The following KMT2A variants were observed in gnomAD, a reference collection of about 807,000 sequenced individuals.
KMT2A encodes histone-lysine N-methyltransferase 2A.
Under a neutral mutation model 345.3 loss-of-function variants are expected in KMT2A, and 16 were observed. That is an observed-to-expected ratio of 0.05 (90% CI 0.03 to 0.07). The LOEUF is 0.07. Among genes scored for constraint, KMT2A ranks in the 10% least tolerant of loss-of-function variants. KMT2A has a pLI of 1.00. For synonymous variants in KMT2A, 1,599 were observed against 1,778.6 expected (o/e 0.90, Z 2.54); for missense variants, 3,272 against 4,841.6 (o/e 0.68, Z 9.62).
intron 1 of KMT2A, among the ~76,000 whole-genome samples, chr11:118,452,641 G>A (rs1283008197): frequency 1.6e-4 from 21 of 131,618 alleles, no homozygotes; most frequent in Non-Finnish European, 2.9e-4. Flanking sequence ...TTTCTTTCTT[G>A]TTTTTTTTTT....
chr11:118,488,111 C>T (rs533693209), intron 10 of KMT2A, among the ~76,000 whole-genome samples: 15 of 152,060 alleles, frequency 9.9e-5, no homozygotes, highest in Non-Finnish European at 2.2e-4. Flanking sequence ...ACCCAGGAGG[C>T]GGAGGTTGCA....
At chr11:118,450,600 CAG>C (rs1399770562) in intron 1 of KMT2A, 1 of 152,142 alleles carries the variant, frequency 6.6e-6, no homozygotes, top group Non-Finnish European at 1.5e-5. Context: ...TATTGAAGAA[CAG>C]AGAATTATTG....
At chr11:118,458,180 C>A in intron 1 of KMT2A, 1 of 382,538 alleles carries the variant, frequency 2.6e-6, no homozygotes, top group Admixed American at 2.9e-5. Flanking sequence ...ATCTTCTGGA[C>A]TTAAGTGATT....
chr11:118,480,324 T>C (rs1555038894), intron 6 of KMT2A, 86 bp downstream of exon 6: 3 of 1,026,860 alleles, frequency 2.9e-6, no homozygotes, highest in Non-Finnish European at 4.4e-6. Context: ...AGAATACTTT[T>C]TTTTTTAAAG....
chr11:118,495,762 A>G lies in KMT2A; in HGVS notation c.5426A>G (p.Gln1809Arg). The stretch of plus-strand genomic sequence containing the variant: ...CTTGACCATAATTATGCTCAGTGGC[A>G]GGAGCGAGAGGAAAACAGCCACACT... Reference protein sequence around the residue: ...PSLDHNYAQWQEREENSHTEQ... With the variant: ...PSLDHNYAQWREREENSHTEQ... The change falls in exon 19 of 36, where the codon CAG becomes CGG. Residue 1809 changes from glutamine (Q) to arginine (R), a missense_variant. Gln to Arg is a conservative substitution (Grantham distance 43). Around this residue, in one of 27 missense-constraint regions of KMT2A, gnomAD observed 235 missense variants for 503.4 expected, o/e 0.47. Transcript: ENST00000534358. The surrounding 1 kb of genome is among the most constrained non-coding windows in gnomAD (Gnocchi z 4.1). The G allele has an allele frequency of 1.9e-6, 3 of 1,614,102 alleles. No homozygotes were observed. The highest frequency in any genetic ancestry group is 2.5e-6 in the Non-Finnish European group (3 of 1,179,990).
intron 25 of KMT2A, among the ~76,000 whole-genome samples, 166 bp from the exon 26 acceptor site, chr11:118,501,506 C>T (rs1555045633): frequency 6.6e-6 from 1 of 151,502 alleles, no homozygotes; most frequent in Non-Finnish European, 1.5e-5. Context: ...AACTTGAATT[C>T]GATTCAGGGA....
intron 1 of KMT2A, among the ~76,000 whole-genome samples, chr11:118,445,352 A>C (rs1565259901): frequency 6.6e-6 from 1 of 152,224 alleles, no homozygotes; most frequent in African/African-American, 2.4e-5. Flanking sequence ...TGAGTTGCTA[A>C]TTATCAGGCC....
chr11:118,443,228 T>C (rs181083745), intron 1 of KMT2A, among the ~76,000 whole-genome samples: 9 of 152,326 alleles, frequency 5.9e-5, no homozygotes, highest in Non-Finnish European at 1.3e-4. Context: ...GTTAGCCTTT[T>C]CATTTTGCCC....
chr11:118,519,898 C>A, intron 32 of KMT2A, 59 bp from the exon 33 acceptor site: 1 of 1,555,780 alleles, frequency 6.4e-7, no homozygotes, highest in Non-Finnish European at 8.9e-7. Context: ...TTAATGCCAT[C>A]ATCCTTTACT....
chr11:118,478,265 A>G, intron 5 of KMT2A, 64 bp downstream of exon 5: 2 of 1,203,004 alleles, frequency 1.7e-6, no homozygotes, highest in Non-Finnish European at 2.4e-6. Context: ...ATTTATCCCT[A>G]GTTTGTTGCA....
chr11:118,518,800 G>A (rs1169745256), intron 31 of KMT2A, among the ~76,000 whole-genome samples: 5 of 133,650 alleles, frequency 3.7e-5, no homozygotes, highest in African/African-American at 8.4e-5. Flanking sequence ...AAAAAAAGCC[G>A]GGCGCGGTGG....
intron 5 of KMT2A, 30 bp from the exon 6 acceptor site, chr11:118,480,144 T>A: frequency 6.4e-7 from 1 of 1,561,442 alleles, no homozygotes; most frequent in Non-Finnish European, 8.8e-7. Context: ...AAATTTAATT[T>A]GTTTCATGGT....
In KMT2A at chr11:118,491,277, G is replaced by A. The variant is rs782281385; in HGVS notation, c.4778G>A (p.Arg1593His). 28 of 1,613,652 alleles carry A rather than the reference G, an allele frequency of 1.7e-5. No homozygotes were observed. The highest frequency in any genetic ancestry group is 2.2e-5 in the East Asian group (1 of 44,868). ...ATGATGCAATGTGGAAAGTGTGATC[G>A]CTGGGTCCATTCCAAATGTGAGAAT... ...SKMMQCGKCD[R>H]WVHSKCENLS... is the part of the protein sequence containing the mutation. Residue 1593 changes from arginine to histidine, a missense_variant, in exon 14 of 36, where the codon CGC becomes CAC. Physicochemically the swap from Arg to His is conservative, Grantham distance 29 (BLOSUM62 0). Coordinates refer to ENST00000534358, the MANE Select transcript of KMT2A (RefSeq NM_001197104.2). The surrounding 1 kb of genome is among the most constrained non-coding windows in gnomAD (Gnocchi z 4.2).
chr11:118,441,853 T>C (rs1555140151), intron 1 of KMT2A, among the ~76,000 whole-genome samples: 2 of 152,204 alleles, frequency 1.3e-5, no homozygotes, highest in East Asian at 1.9e-4. Flanking sequence ...TTATTGGAAG[T>C]TGAGAGAAAC....
rs199656572 is a variant in KMT2A, at chr11:118,506,483, C to T, written c.10591C>T (p.Pro3531Ser). 6.2e-7 allele frequency: 1 copy of T among 1,614,074 alleles called. No individual in the cohort carries two copies. Among genetic ancestry groups the T allele is most frequent in the Admixed American group, 1.7e-5 (1 of 60,000 alleles). ...ATCTTCTGGACAGCGGTCAGCAAGC[C>T]CTTCAGTGCCGGGTCCCACTAAACC... ...SPSSGQRSAS[P>S]SVPGPTKPKP... The change falls in exon 27 of 36, where the codon CCT becomes TCT. Residue 3531 changes from proline (P) to serine (S), a missense_variant. Physicochemically the swap from Pro to Ser is moderately conservative, Grantham distance 74 (BLOSUM62 -1). This residue lies in a region of KMT2A where 748 missense variants were observed against 922.2 expected (regional missense o/e 0.81). Transcript: ENST00000534358.
At chr11:118,492,091 G>A (rs942393373) in intron 15 of KMT2A, among the ~76,000 whole-genome samples, 163 bp downstream of exon 15, 9 of 152,182 alleles carry the variant, frequency 5.9e-5, no homozygotes, top group East Asian at 1.9e-4. Context: ...CTTCTTTAGC[G>A]TAAGAAATAG....
At chr11:118,508,315 AAT>A (rs1950624107) in intron 28 of KMT2A, among the ~76,000 whole-genome samples, 1 of 152,222 alleles carries the variant, frequency 6.6e-6, no homozygotes, top group African/African-American at 2.4e-5. Context: ...TTTCTGTGCC[AAT>A]ATATGTAGGT....
chr11:118,453,412 T>A (rs1555029632), intron 1 of KMT2A, among the ~76,000 whole-genome samples: 1 of 152,076 alleles, frequency 6.6e-6, no homozygotes, highest in African/African-American at 2.4e-5. Flanking sequence ...TTTTTTTTTT[T>A]AACATTGTAC....
At chr11:118,475,596 G>A (rs1352616704) in intron 3 of KMT2A, among the ~76,000 whole-genome samples, 18 of 152,222 alleles carry the variant, frequency 1.2e-4, no homozygotes, top group African/African-American at 3.4e-4. Context: ...GGTGGCATGC[G>A]CCTGTAGTCC....
Sources: gnomAD v4.1 joint callset for allele counts (sites outside exome capture counted in the v4.1 genomes callset) on GRCh38, gnomAD v4.1.1 for gene constraint, gnomAD v4.1.1 regional missense constraint, Gnocchi (gnomAD v3.1) non-coding constraint, MANE v1.5 for transcripts, NCBI Gene and HGNC (gene_info 2026-07-23, HGNC 2026-07-21) for gene names.